The following NAALADL2 variants were observed in gnomAD, a reference collection of about 807,000 sequenced individuals.
NAALADL2 encodes the protein N-acetylated alpha-linked acidic dipeptidase like 2, also known as inactive N-acetylated-alpha-linked acidic dipeptidase-like protein 2.
In NAALADL2, 76 loss-of-function variants were observed where a neutral mutation model predicts 87.2. The ratio of observed to expected loss-of-function variants is 0.87; its 90% confidence interval spans 0.72 to 1.05. NAALADL2 has a LOEUF of 1.05. Ranked by LOEUF, NAALADL2 falls within the 50% of genes least tolerant of loss-of-function variation. The pLI, the probability that NAALADL2 is intolerant of heterozygous loss-of-function variation, is 0.00. For missense variants in NAALADL2, 1,089 were observed against 945.8 expected, an observed-to-expected ratio of 1.15 and a Z score of -1.99; for synonymous variants, 354 against 331.0, an observed-to-expected ratio of 1.07 and a Z score of -0.75.
chr3:175,391,889 A>G (rs1457616283), intron 5 of NAALADL2, among the ~76,000 whole-genome samples: 2 of 152,134 alleles, frequency 1.3e-5, no homozygotes, highest in African/African-American at 4.8e-5. Context: ...TACACTTTGA[A>G]TAATATCAAA....
chr3:175,330,832 T>G (rs958831306), intron 5 of NAALADL2, among the ~76,000 whole-genome samples: 11 of 150,218 alleles, frequency 7.3e-5, no homozygotes, highest in Middle Eastern at 3.2e-3. Context: ...GGAACTAGAG[T>G]CTTGAAAAAA....
chr3:174,750,403 C>A (rs1734705355), intron 3 of NAALADL2, among the ~76,000 whole-genome samples: 1 of 143,668 alleles, frequency 7.0e-6, no homozygotes, highest in Non-Finnish European at 1.5e-5. Flanking sequence ...CATTTCCATT[C>A]TTCTTCTTCT....
At chr3:174,557,482 G>T (rs1260133729) in intron 2 of NAALADL2, among the ~76,000 whole-genome samples, 1 of 151,818 alleles carries the variant, frequency 6.6e-6, no homozygotes. Flanking sequence ...AAACTCTGGG[G>T]ATCATTTTCT....
chr3:175,320,410 AG>A (rs1410648776), intron 4 of NAALADL2, among the ~76,000 whole-genome samples: 1 of 152,168 alleles, frequency 6.6e-6, no homozygotes, highest in Admixed American at 6.5e-5. Context: ...GGGCAGAACA[AG>A]GGTTGATCTT....
chr3:175,083,957 C>G lies in NAALADL2; in HGVS notation c.44-12833C>G, dbSNP rs183861059. On this transcript the variant is annotated intron_variant, in intron 1 of 13. Transcript: ENST00000454872. ...TTAAGAACTGAACCTGAGGGCAAAT[C>G]AGGCTGAGGAAGAACATGCACTGTG... Among the ~76,000 whole-genome samples, 12 of 152,274 alleles carry G rather than the reference C, an allele frequency of 7.9e-5. No individual in the cohort carries two copies. The East Asian group carries it at 2.3e-3, about 29-fold the overall frequency.
At chr3:175,457,463 G>C (rs1722487395) in intron 6 of NAALADL2, among the ~76,000 whole-genome samples, 1 of 152,052 alleles carries the variant, frequency 6.6e-6, no homozygotes, top group Non-Finnish European at 1.5e-5. Context: ...ACTAGTATTT[G>C]TGTTCACTGA....
intron 9 of NAALADL2, among the ~76,000 whole-genome samples, chr3:175,523,175 C>T (rs1024575039): frequency 2.0e-5 from 3 of 152,088 alleles, no homozygotes; most frequent in Non-Finnish European, 2.9e-5. Context: ...GTGATGTTGC[C>T]GCCTGGAAAC....
intron 13 of NAALADL2, among the ~76,000 whole-genome samples, chr3:175,787,047 C>G (rs1752090923): frequency 6.6e-6 from 1 of 151,944 alleles, no homozygotes; most frequent in Non-Finnish European, 1.5e-5. Flanking sequence ...CAGGGACCCA[C>G]TTGAGGAGGC....
At chr3:175,199,591 A>G (rs1413858400) in intron 2 of NAALADL2, among the ~76,000 whole-genome samples, 1 of 151,532 alleles carries the variant, frequency 6.6e-6, no homozygotes, top group Admixed American at 6.6e-5. Flanking sequence ...TGTTACGTGA[A>G]TGACTGGATG....
At position 174,552,679 on chromosome 3, in the gene NAALADL2, C is replaced by T. The variant is rs182667190; in HGVS notation, c.-115+2042C>T. The stretch of plus-strand genomic sequence containing the variant: ...GATGTGGTGGCACAGGCCTGTAGTC[C>T]CAGCTACTCGGAAGGCTGAGGTGGG... On this transcript the variant is annotated intron_variant, in intron 2 of 3. Transcript: ENST00000434257. Among the ~76,000 whole-genome samples the T allele has an allele frequency of 1.2e-3, 180 of 151,408 alleles. 1 individual carries two copies. The highest frequency in any genetic ancestry group is 1.8e-3 in the Admixed American group (27 of 15,168).
At chr3:174,704,848 G>A (rs888682415) in intron 2 of NAALADL2, among the ~76,000 whole-genome samples, 10 of 152,112 alleles carry the variant, frequency 6.6e-5, no homozygotes, top group Admixed American at 2.6e-4. Flanking sequence ...TGGAAATGAT[G>A]TATAAAGAAG....
At chr3:175,757,172 T>C (rs1336930155) in intron 13 of NAALADL2, among the ~76,000 whole-genome samples, 1 of 151,960 alleles carries the variant, frequency 6.6e-6, no homozygotes, top group African/African-American at 2.4e-5. Flanking sequence ...CTTCTCATGA[T>C]ACACCCTGGA....
chr3:175,342,063 G>A (rs1450497360), intron 5 of NAALADL2, among the ~76,000 whole-genome samples: 1 of 152,012 alleles, frequency 6.6e-6, no homozygotes, highest in Non-Finnish European at 1.5e-5. Context: ...CACTGTCTAG[G>A]TTACTATAAT....
chr3:175,262,047 T>G (rs1282129629), intron 4 of NAALADL2, among the ~76,000 whole-genome samples: 1 of 152,070 alleles, frequency 6.6e-6, no homozygotes, highest in East Asian at 1.9e-4. Context: ...GACTTGACAC[T>G]CTGAATTTCA....
intron 9 of NAALADL2, among the ~76,000 whole-genome samples, chr3:175,570,646 C>T (rs776678774): frequency 2.3e-4 from 35 of 151,918 alleles, no homozygotes; most frequent in African/African-American, 3.1e-4. Context: ...TTTGGGAAGC[C>T]GAGGCGGGCG....
chr3:175,369,212 T>C (rs1240735178), intron 5 of NAALADL2, among the ~76,000 whole-genome samples: 3 of 152,148 alleles, frequency 2.0e-5, no homozygotes, highest in African/African-American at 7.2e-5. Context: ...AGCACCTGAC[T>C]GTATATATAT....
At chr3:174,585,988 C>A (rs748732373) in intron 2 of NAALADL2, among the ~76,000 whole-genome samples, 1 of 152,154 alleles carries the variant, frequency 6.6e-6, no homozygotes, top group Non-Finnish European at 1.5e-5. Context: ...CTGTTATAAG[C>A]ATTAAATGCA....
chr3:174,929,803 C>CT (rs1322283807), intron 1 of NAALADL2, among the ~76,000 whole-genome samples: 1 of 152,096 alleles, frequency 6.6e-6, no homozygotes, highest in Non-Finnish European at 1.5e-5. Flanking sequence ...TCCCTGTTTG[C>CT]TTCCTAGTTC....
intron 4 of NAALADL2, among the ~76,000 whole-genome samples, chr3:175,290,955 A>G (rs1169600499): frequency 6.6e-6 from 1 of 152,126 alleles, no homozygotes; most frequent in Non-Finnish European, 1.5e-5. Flanking sequence ...TTTACTAGAG[A>G]AGTAACAATA....
Sources: gnomAD v4.1 joint callset for allele counts (sites outside exome capture counted in the v4.1 genomes callset) on GRCh38, gnomAD v4.1.1 for gene constraint, MANE v1.5 for transcripts, NCBI Gene and HGNC (gene_info 2026-07-23, HGNC 2026-07-21) for gene names.